Variants in SHANK2 observed in about 807,000 individuals in gnomAD.
SHANK2 encodes the protein SH3 and multiple ankyrin repeat domains 2.
A neutral mutation model predicts 133.7 loss-of-function variants in SHANK2; 43 were observed. That is an observed-to-expected ratio of 0.32 (90% CI 0.25 to 0.41). The LOEUF (loss-of-function observed/expected upper bound fraction) is 0.41. Ranked by LOEUF, SHANK2 falls within the 10% of genes least tolerant of loss-of-function variation. The probability of loss-of-function intolerance (pLI) is 1.00; values close to 1 mark genes in which losing one functional copy is unlikely to be tolerated. For missense variants in SHANK2, 1,994 were observed against 2,235.8 expected, an observed-to-expected ratio of 0.89 and a Z score of 2.18; for synonymous variants, 1,017 against 952.8, an observed-to-expected ratio of 1.07 and a Z score of -1.24.
rs1248064867 is a variant in SHANK2, at chr11:71,150,234, G to A, written c.-12-2896C>T. Among the ~76,000 whole-genome samples, 21 of 26,708 alleles carry A rather than the reference G, an allele frequency of 7.9e-4. 1 individual carries two copies. Among genetic ancestry groups the A allele is most frequent in the Admixed American group, 3.2e-4 (1 of 3,140 alleles). 17.5% of individuals were successfully genotyped at this position (26,708 alleles called of 152,430 possible). On this transcript the variant is annotated intron_variant, in intron 2 of 25. Transcript: ENST00000601538. ...GAGGGAGGGAGGGAGAGGGAGGGAG[G>A]GAAGGAAGGAGGGAGGGAAGGAGGG...
intron 17 of SHANK2, among the ~76,000 whole-genome samples, chr11:70,599,861 TAAAAAGAAAGAA>T (rs1396631216): frequency 8.9e-5 from 7 of 79,092 alleles, no homozygotes; most frequent in Non-Finnish European, 1.6e-4. Flanking sequence ...AAGAAAGAAA[TAAAAAGAAAGAA>T]AGAAAGAAAG....
chr11:70,884,142 C>T (rs1949700781), intron 11 of SHANK2, among the ~76,000 whole-genome samples: 1 of 152,236 alleles, frequency 6.6e-6, no homozygotes. Flanking sequence ...AGGGCACACC[C>T]TGTGAATGCC....
chr11:71,069,894 T>C (rs1951120550), intron 9 of SHANK2, among the ~76,000 whole-genome samples: 1 of 152,228 alleles, frequency 6.6e-6, no homozygotes, highest in Non-Finnish European at 1.5e-5. Context: ...TGTGTGTGTG[T>C]GCCCTGTATG....
At chr11:71,144,542 A>C (rs188220722) in intron 3 of SHANK2, among the ~76,000 whole-genome samples, 597 of 152,270 alleles carry the variant, frequency 3.9e-3, no homozygotes, top group African/African-American at 0.014. Flanking sequence ...AGGTGGACTG[A>C]GAAGAGAGAA....
At chr11:70,686,133 C>A (rs1468550645) in intron 15 of SHANK2, among the ~76,000 whole-genome samples, 2 of 147,716 alleles carry the variant, frequency 1.4e-5, no homozygotes, top group Admixed American at 6.8e-5. Flanking sequence ...CATCCATCCA[C>A]CCATCCACAC....
chr11:70,876,081 G>A (rs1172108116), intron 11 of SHANK2, among the ~76,000 whole-genome samples: 9 of 151,146 alleles, frequency 6.0e-5, no homozygotes, highest in African/African-American at 1.5e-4. Flanking sequence ...ACTTGAACCC[G>A]GGAGGTGGAG....
At chr11:70,856,170 TG>T (rs1555066789) in intron 11 of SHANK2, among the ~76,000 whole-genome samples, 5 of 145,764 alleles carry the variant, frequency 3.4e-5, no homozygotes. Context: ...GGATAGGTGA[TG>T]GGATGGATGG....
Position 71,210,234 on chromosome 11 carries a change from A to G in SHANK2, c.-13+14463T>C, listed in dbSNP as rs1166203985. Among the ~76,000 whole-genome samples the G allele has an allele frequency of 1.1e-4, 11 of 100,572 alleles. 1 individual carries two copies. Among genetic ancestry groups the G allele is most frequent in the Admixed American group, 8.2e-4 (8 of 9,768 alleles). 66.0% of individuals were successfully genotyped at this position (100,572 alleles called of 152,430 possible). ...GGTATATATATATATATATATATAT[A>G]TATATATATATATATATATTTATTT... On this transcript the variant is annotated intron_variant, in intron 2 of 25. Coordinates refer to ENST00000601538, the MANE Select transcript of SHANK2 (RefSeq NM_012309.5).
intron 14 of SHANK2, among the ~76,000 whole-genome samples, chr11:70,797,959 T>C (rs1175002125): frequency 6.6e-6 from 1 of 151,910 alleles, no homozygotes; most frequent in Non-Finnish European, 1.5e-5. Context: ...TTTCAGCAAG[T>C]GCTATATCTG....
chr11:71,092,705 CCT>C (rs1555094354), intron 7 of SHANK2, 116 bp from the exon 8 acceptor site: 5 of 964,864 alleles, frequency 5.2e-6, no homozygotes, highest in Non-Finnish European at 7.7e-6. Flanking sequence ...CAACCCACAC[CCT>C]GAGTACCCAG....
intron 10 of SHANK2, among the ~76,000 whole-genome samples, chr11:70,935,649 T>A (rs1376784316): frequency 3.3e-5 from 5 of 152,224 alleles, no homozygotes; most frequent in African/African-American, 1.2e-4. Context: ...ATTTATTTAA[T>A]CAGCAAACAC....
intron 17 of SHANK2, among the ~76,000 whole-genome samples, chr11:70,526,142 C>G (rs1267158793): frequency 6.6e-6 from 1 of 152,166 alleles, no homozygotes; most frequent in Non-Finnish European, 1.5e-5. Context: ...CAAGGTGATC[C>G]TGCACCCTAA....
rs781788920 is a variant in SHANK2 at position 70,486,747 on chromosome 11, G to T, written c.3546C>A (p.Pro1182=). 4.3e-6 allele frequency: 7 copies of T among 1,610,518 alleles called. No homozygotes were observed. The highest frequency in any genetic ancestry group is 5.9e-6 in the Non-Finnish European group (7 of 1,179,932). ...PLNSTSKAQG[P]ESSPAVPSAS... ...CGGAGGGCACTGCTGGGCTGCTCTCGGGCCCCTGGGCTTTGGACGTGGAAT... is the reference window on the plus strand; with the variant it reads ...CGGAGGGCACTGCTGGGCTGCTCTCTGGCCCCTGGGCTTTGGACGTGGAAT... The change falls in exon 25 of 26, where the codon CCC becomes CCA. Residue 1182 remains proline (P), a synonymous_variant. Coordinates refer to ENST00000601538, the MANE Select transcript of SHANK2 (RefSeq NM_012309.5). The surrounding 1 kb of genome is among the most constrained non-coding windows in gnomAD (Gnocchi z 8.0).
At chr11:70,847,247 G>A (rs1376103893) in intron 11 of SHANK2, among the ~76,000 whole-genome samples, 2 of 152,188 alleles carry the variant, frequency 1.3e-5, no homozygotes, top group African/African-American at 4.8e-5. Flanking sequence ...GCACCCCGCG[G>A]GAGGCCGTCC....
chr11:70,719,260 G>A (rs747043905), intron 14 of SHANK2, among the ~76,000 whole-genome samples: 1 of 152,250 alleles, frequency 6.6e-6, no homozygotes, highest in Non-Finnish European at 1.5e-5. Flanking sequence ...GTTCAAAGAT[G>A]AGAAGCGTGG....
chr11:70,620,186 T>TG (rs1166416634), intron 17 of SHANK2, among the ~76,000 whole-genome samples: 3 of 151,990 alleles, frequency 2.0e-5, no homozygotes, highest in Admixed American at 6.6e-5. Context: ...CATTTGAGTG[T>TG]GGGGGTCACA....
intron 17 of SHANK2, among the ~76,000 whole-genome samples, chr11:70,622,377 G>A (rs534629682): frequency 1.2e-4 from 17 of 145,534 alleles, no homozygotes; most frequent in African/African-American, 3.1e-4. Flanking sequence ...TCTCCACCCC[G>A]GTGTTTGATG....
At chr11:71,124,089 GCGATGATAGTGATCATGA>G in intron 3 of SHANK2, among the ~76,000 whole-genome samples, 1 of 121,484 alleles carries the variant, frequency 8.2e-6, no homozygotes, top group South Asian at 2.9e-4. Context: ...GTTGGTAATG[GCGATGATAGTGATCATGA>G]TGGTGATGAT....
intron 10 of SHANK2, among the ~76,000 whole-genome samples, chr11:70,941,564 T>G (rs1394434711): frequency 6.6e-6 from 1 of 152,122 alleles, no homozygotes; most frequent in Non-Finnish European, 1.5e-5. Flanking sequence ...GATTGGGACC[T>G]TTTAGGGGTG....
Sources: allele counts gnomAD v4.1 joint callset (sites outside exome capture counted in the v4.1 genomes callset), GRCh38; gene constraint gnomAD v4.1.1; non-coding constraint Gnocchi (gnomAD v3.1); transcripts MANE v1.5; gene names NCBI Gene and HGNC (gene_info 2026-07-23, HGNC 2026-07-21).